The following DLGAP1 variants were observed in gnomAD, a reference collection of about 807,000 sequenced individuals.
DLGAP1 encodes the protein disks large-associated protein 1.
A neutral mutation model predicts 90.8 loss-of-function variants in DLGAP1; 11 were observed. The ratio of observed to expected loss-of-function variants is 0.12; its 90% CI spans 0.08 to 0.20. The LOEUF (loss-of-function observed/expected upper bound fraction) is 0.20. DLGAP1 is among the 10% of genes least tolerant of loss of function. The pLI, the probability that DLGAP1 is intolerant of heterozygous loss-of-function variation, is 1.00. For synonymous variants in DLGAP1, 558 were observed against 540.7 expected (o/e 1.03, Z -0.44); for missense variants, 1,050 against 1,333.8 (o/e 0.79, Z 3.31).
chr18:3,754,299 G>C (rs144585123), intron 5 of DLGAP1, among the ~76,000 whole-genome samples: 130 of 152,200 alleles, frequency 8.5e-4, no homozygotes, highest in African/African-American at 2.8e-3. Flanking sequence ...ACCGTACTCA[G>C]CCTCCTACTT....
At position 3,534,246 on chromosome 18, in the gene DLGAP1, C is replaced by T; in HGVS notation, c.2427G>A (p.Gly809=). ...LLQAERDRME[G]WCQQMEREER... ...CTTCCCGCTCCATCTGTTGACACCA[C>T]CCCTCCATGCGGTCTCGCTCTGCCT... is the stretch of plus-strand genomic sequence containing the variant. Residue 809 remains glycine, a synonymous_variant, in exon 10 of 13, where the codon GGG becomes GGA. Coordinates refer to ENST00000315677, the MANE Select transcript of DLGAP1 (RefSeq NM_004746.4). The T allele has an allele frequency of 1.9e-6, 3 of 1,614,208 alleles. No homozygotes were observed. Among genetic ancestry groups the T allele is most frequent in the Non-Finnish European group, 2.5e-6 (3 of 1,180,036 alleles).
chr18:3,787,610 T>TA (rs897031733), intron 5 of DLGAP1, among the ~76,000 whole-genome samples: 3 of 151,740 alleles, frequency 2.0e-5, no homozygotes, highest in African/African-American at 7.3e-5. Context: ...ACGAAAGTAG[T>TA]ATTACCATGA....
chr18:3,646,093 A>C (rs1180751607), intron 7 of DLGAP1, among the ~76,000 whole-genome samples: 1 of 152,106 alleles, frequency 6.6e-6, no homozygotes, highest in Non-Finnish European at 1.5e-5. Flanking sequence ...GCTACTCCAA[A>C]ACAATATTTT....
chr18:3,724,009 T>C (rs985562309), intron 7 of DLGAP1, among the ~76,000 whole-genome samples: 4 of 152,126 alleles, frequency 2.6e-5, no homozygotes, highest in African/African-American at 9.7e-5. Context: ...CATCATTGTT[T>C]AATAAATTCC....
chr18:3,557,064 T>A (rs2053794207), intron 9 of DLGAP1, among the ~76,000 whole-genome samples: 1 of 152,242 alleles, frequency 6.6e-6, no homozygotes, highest in African/African-American at 2.4e-5. Flanking sequence ...TATTTATTTC[T>A]TTTATTGTGT....
chr18:3,799,990 T>TA lies in DLGAP1; in HGVS notation c.1172+14068dup, dbSNP rs762733216. On this transcript the variant is annotated intron_variant, in intron 5 of 12. Transcript: ENST00000315677. Reference sequence around the variant, plus strand: ...ATCAAATATTACCACTGCTGTAAGTTAAAAAAAAATCCACCTAATTTTAAA... The same window carrying TA: ...ATCAAATATTACCACTGCTGTAAGTTAAAAAAAAAATCCACCTAATTTTAAA... Among the ~76,000 whole-genome samples the TA allele has an allele frequency of 1.2e-4, 18 of 151,616 alleles. No homozygotes were observed. The South Asian group carries it at 2.7e-3, about 23-fold the overall frequency.
At chr18:4,075,828 G>A (rs1160672430) in intron 2 of DLGAP1, among the ~76,000 whole-genome samples, 3 of 152,094 alleles carry the variant, frequency 2.0e-5, no homozygotes, top group Admixed American at 6.6e-5. Context: ...ATTTAAATAC[G>A]ACATGAGTTT....
At chr18:3,939,838 A>T (rs368795451) in intron 3 of DLGAP1, among the ~76,000 whole-genome samples, 1 of 152,162 alleles carries the variant, frequency 6.6e-6, no homozygotes, top group Non-Finnish European at 1.5e-5. Flanking sequence ...AATCCCTTTG[A>T]CCCCAACCAT....
chr18:4,117,484 T>C (rs899102690), intron 2 of DLGAP1, among the ~76,000 whole-genome samples: 16 of 152,346 alleles, frequency 1.1e-4, no homozygotes, highest in Non-Finnish European at 1.5e-4. Context: ...TTAAACTCTA[T>C]TTCCCACACA....
At chr18:3,659,627 GCAATCT>G (rs1567914924) in intron 7 of DLGAP1, among the ~76,000 whole-genome samples, 1 of 151,174 alleles carries the variant, frequency 6.6e-6, no homozygotes, top group Non-Finnish European at 1.5e-5. Flanking sequence ...GTGCAGTGGT[GCAATCT>G]CGGCTCACTG....
At chr18:3,574,213 A>G (rs1401733361) in intron 8 of DLGAP1, among the ~76,000 whole-genome samples, 1 of 152,166 alleles carries the variant, frequency 6.6e-6, no homozygotes, top group East Asian at 1.9e-4. Context: ...AGTATTTTCA[A>G]ATAACCAATT....
chr18:4,035,383 A>C (rs1038498549), intron 2 of DLGAP1, among the ~76,000 whole-genome samples: 9 of 152,110 alleles, frequency 5.9e-5, no homozygotes, highest in African/African-American at 2.2e-4. Flanking sequence ...AAAACAAATA[A>C]AGTTTATAAG....
At chr18:4,147,666 G>A (rs1471137488) in intron 2 of DLGAP1, among the ~76,000 whole-genome samples, 2 of 151,904 alleles carry the variant, frequency 1.3e-5, no homozygotes, top group African/African-American at 2.4e-5. Flanking sequence ...GGTTTCCAAA[G>A]TCTGTGACAC....
rs545246022 is a variant in DLGAP1 at position 4,392,229 on chromosome 18, A to T, written c.-267+62777T>A. ...TGGTAGGCAGCACAGCCTGAGATTC[A>T]TGGATAGAGACCTCCTGCTCCACAT... On this transcript the variant is annotated intron_variant, in intron 1 of 12. Coordinates refer to ENST00000315677, the MANE Select transcript of DLGAP1 (RefSeq NM_004746.4). Among the ~76,000 whole-genome samples, 5 of 152,288 alleles carry T rather than the reference A, an allele frequency of 3.3e-5. No individual in the cohort carries two copies. In the South Asian group the frequency reaches 6.2e-4, roughly 19 times the overall value.
intron 5 of DLGAP1, among the ~76,000 whole-genome samples, chr18:3,762,521 T>C (rs1331274269): frequency 6.9e-6 from 1 of 144,032 alleles, no homozygotes; most frequent in Non-Finnish European, 1.5e-5. Flanking sequence ...AGTATTTTGA[T>C]AGATTTTTTT....
intron 10 of DLGAP1, among the ~76,000 whole-genome samples, chr18:3,512,952 G>A (rs553003282): frequency 3.9e-5 from 6 of 152,232 alleles, no homozygotes; most frequent in East Asian, 3.9e-4. Context: ...GTGGCGCAGC[G>A]TTGTACAGCA....
At chr18:3,551,722 C>CCTACCTT (rs2053473196) in intron 9 of DLGAP1, among the ~76,000 whole-genome samples, 8 of 12,538 alleles carry the variant, frequency 6.4e-4, no homozygotes, top group African/African-American at 2.7e-3. Flanking sequence ...CTCCCTCCCT[C>CCTACCTT]CCTTCCTTCC....
intron 7 of DLGAP1, among the ~76,000 whole-genome samples, chr18:3,641,142 A>T (rs930073865): frequency 7.9e-5 from 12 of 152,104 alleles, no homozygotes; most frequent in African/African-American, 2.7e-4. Flanking sequence ...ATATGTGTGT[A>T]TGAACATTTA....
chr18:3,735,648 T>C (rs2062608745), intron 6 of DLGAP1, among the ~76,000 whole-genome samples: 1 of 152,212 alleles, frequency 6.6e-6, no homozygotes. Flanking sequence ...TCTCTGAGAC[T>C]GAGATTCATA....
Sources: gnomAD v4.1 joint callset for allele counts (sites outside exome capture counted in the v4.1 genomes callset) on GRCh38, gnomAD v4.1.1 for gene constraint, MANE v1.5 for transcripts, NCBI Gene and HGNC (gene_info 2026-07-23, HGNC 2026-07-21) for gene names.